RAB11FIP4: variants seen among roughly 807,000 people sequenced by gnomAD.
RAB11FIP4 encodes the protein RAB11 family interacting protein 4, also known as rab11 family-interacting protein 4.
A neutral mutation model predicts 74.3 loss-of-function variants in RAB11FIP4; 23 were observed. The ratio of observed to expected loss-of-function variants is 0.31; its 90% CI spans 0.22 to 0.44. RAB11FIP4 has a LOEUF of 0.44. Ranked by LOEUF, RAB11FIP4 falls within the 20% of genes least tolerant of loss-of-function variation. The pLI is 1.00. For missense variants in RAB11FIP4, 630 were observed against 863.9 expected, an observed-to-expected ratio of 0.73 and a Z score of 3.39; for synonymous variants, 360 against 359.9, an observed-to-expected ratio of 1.00 and a Z score of 0.00.
At chr17:31,473,756 G>A (rs1197712009) in intron 3 of RAB11FIP4, among the ~76,000 whole-genome samples, 1 of 152,226 alleles carries the variant, frequency 6.6e-6, no homozygotes, top group Non-Finnish European at 1.5e-5. Context: ...TTGCTCAGCG[G>A]GCATGGAGGG....
At chr17:31,416,055 G>A (rs1031723751) in intron 1 of RAB11FIP4, among the ~76,000 whole-genome samples, 1 of 152,234 alleles carries the variant, frequency 6.6e-6, no homozygotes, top group South Asian at 2.1e-4. Context: ...CTTGCCCGAG[G>A]TCACGCAGTG....
At chr17:31,423,831 C>T (rs930815297) in intron 1 of RAB11FIP4, among the ~76,000 whole-genome samples, 3 of 152,050 alleles carry the variant, frequency 2.0e-5, no homozygotes, top group African/African-American at 7.2e-5. Context: ...TCTGTGATGC[C>T]GCCCTATCCA....
intron 9 of RAB11FIP4, 72 bp from the exon 10 acceptor site, chr17:31,525,018 C>T (rs2072738277): frequency 3.3e-6 from 5 of 1,530,952 alleles, no homozygotes; most frequent in East Asian, 2.5e-5. Context: ...GGCCCAGGGT[C>T]CCCCGTGCCA....
intron 3 of RAB11FIP4, among the ~76,000 whole-genome samples, chr17:31,474,399 C>T (rs1163380514): frequency 2.6e-5 from 4 of 152,006 alleles, no homozygotes; most frequent in African/African-American, 4.8e-5. Flanking sequence ...GGACCAGGTG[C>T]GGTGGCTCAC....
intron 3 of RAB11FIP4, among the ~76,000 whole-genome samples, chr17:31,514,989 C>T (rs903528608): frequency 1.2e-4 from 19 of 152,156 alleles, no homozygotes; most frequent in East Asian, 3.9e-4. Flanking sequence ...CAAAGGCAGG[C>T]GGGGTGGGGG....
At chr17:31,445,112 G>C (rs2071438956) in intron 3 of RAB11FIP4, among the ~76,000 whole-genome samples, 1 of 152,182 alleles carries the variant, frequency 6.6e-6, no homozygotes, top group African/African-American at 2.4e-5. Context: ...ATAAACCTCT[G>C]AGGGCCCAAG....
At chr17:31,445,574 A>ATG (rs2071453151) in intron 3 of RAB11FIP4, among the ~76,000 whole-genome samples, 2 of 10,036 alleles carry the variant, frequency 2.0e-4, no homozygotes, top group Non-Finnish European at 3.2e-4. Flanking sequence ...ATATATATAT[A>ATG]TATATTTTTT....
intron 9 of RAB11FIP4, chr17:31,524,812 G>GGT (rs1202410576): frequency 1.9e-6 from 1 of 531,910 alleles, no homozygotes; most frequent in Admixed American, 3.4e-5. Flanking sequence ...GTTCCGGCCA[G>GGT]GTGTGGCTGC....
chr17:31,431,973 G>A (rs2071314213), intron 2 of RAB11FIP4, 73 bp downstream of exon 2: 2 of 1,163,626 alleles, frequency 1.7e-6, no homozygotes, highest in African/African-American at 1.5e-5. Context: ...TGTGACTGGG[G>A]GCCCAGCCTG....
chr17:31,421,555 CTTT>C (rs35537135), intron 1 of RAB11FIP4, among the ~76,000 whole-genome samples: 25 of 102,344 alleles, frequency 2.4e-4, no homozygotes, highest in Admixed American at 5.2e-4. Flanking sequence ...AGTCACAGGA[CTTT>C]TTTTTTTTTT....
intron 3 of RAB11FIP4, among the ~76,000 whole-genome samples, chr17:31,438,403 A>G (rs1469548065): frequency 6.6e-6 from 1 of 152,028 alleles, no homozygotes; most frequent in Admixed American, 6.5e-5. Context: ...CCTCCTGTGT[A>G]GCCACCACGC....
chr17:31,452,951 AC>A (rs1307054002), intron 3 of RAB11FIP4, among the ~76,000 whole-genome samples: 6 of 151,818 alleles, frequency 4.0e-5, no homozygotes, highest in African/African-American at 1.2e-4. Context: ...GGGGCAGCTG[AC>A]CCCGCGGGGA....
chr17:31,425,891 C>T (rs527426677), intron 1 of RAB11FIP4, among the ~76,000 whole-genome samples: 1 of 152,324 alleles, frequency 6.6e-6, no homozygotes, highest in Non-Finnish European at 1.5e-5. Flanking sequence ...CCCAGGCTCC[C>T]CACGAAGACC....
intron 3 of RAB11FIP4, among the ~76,000 whole-genome samples, chr17:31,472,036 C>A (rs1212348063): frequency 6.6e-6 from 1 of 152,140 alleles, no homozygotes; most frequent in Non-Finnish European, 1.5e-5. Context: ...GTGGCGAGTG[C>A]CTGTAATCCC....
intron 1 of RAB11FIP4, among the ~76,000 whole-genome samples, chr17:31,406,072 C>T (rs1337885600): frequency 1.3e-5 from 2 of 152,250 alleles, no homozygotes; most frequent in Non-Finnish European, 2.9e-5. Flanking sequence ...AGCTGGTCAA[C>T]CCCTGGGCTC....
intron 3 of RAB11FIP4, among the ~76,000 whole-genome samples, chr17:31,476,433 C>T (rs1026939338): frequency 6.6e-6 from 1 of 152,156 alleles, no homozygotes; most frequent in African/African-American, 2.4e-5. Flanking sequence ...GATCCACCCA[C>T]CTCGGGCTCC....
At chr17:31,409,581 G>T (rs1487023793) in intron 1 of RAB11FIP4, among the ~76,000 whole-genome samples, 1 of 152,172 alleles carries the variant, frequency 6.6e-6, no homozygotes, top group East Asian at 1.9e-4. Flanking sequence ...AACTCCAGAT[G>T]TGTAGGAAAA....
At chr17:31,474,873 A>C in intron 3 of RAB11FIP4, among the ~76,000 whole-genome samples, 1 of 124,712 alleles carries the variant, frequency 8.0e-6, no homozygotes, top group Non-Finnish European at 1.8e-5. Context: ...AACAAAACAA[A>C]ACAAAAAACA....
At chr17:31,420,154 G>A (rs1200874526) in intron 1 of RAB11FIP4, among the ~76,000 whole-genome samples, 1 of 152,300 alleles carries the variant, frequency 6.6e-6, no homozygotes, top group East Asian at 1.9e-4. Flanking sequence ...CATCTAAGTT[G>A]TAGAAATTAT....
Sources: allele counts gnomAD v4.1 joint callset (sites outside exome capture counted in the v4.1 genomes callset), GRCh38; gene constraint gnomAD v4.1.1; transcripts MANE v1.5; gene names NCBI Gene and HGNC (gene_info 2026-07-23, HGNC 2026-07-21).